Variants in MYT1L observed in about 807,000 individuals in gnomAD.
The protein encoded by MYT1L is myelin transcription factor 1 like, also known as myelin transcription factor 1-like protein.
In MYT1L, 12 loss-of-function variants were observed where a neutral mutation model predicts 126.7. The observed-to-expected ratio is 0.09, with a 90% CI of 0.06 to 0.15. The LOEUF (loss-of-function observed/expected upper bound fraction) is 0.15, where lower values mean the gene tolerates loss of function less well. MYT1L is among the 10% of genes least tolerant of loss of function. The probability of loss-of-function intolerance (pLI) is 1.00; values close to 1 mark genes in which losing one functional copy is unlikely to be tolerated. For synonymous variants in MYT1L, 541 were observed against 604.2 expected (o/e 0.90, Z 1.53); for missense variants, 979 against 1,585.2 (o/e 0.62, Z 6.49).
chr2:2,309,143 C>A (rs1418133915), intron 1 of MYT1L, among the ~76,000 whole-genome samples: 1 of 151,674 alleles, frequency 6.6e-6, no homozygotes, highest in Non-Finnish European at 1.5e-5. Context: ...TCTAACCATA[C>A]TCTGCCTACA....
intron 11 of MYT1L, among the ~76,000 whole-genome samples, chr2:1,915,362 C>T (rs1163805794): frequency 1.3e-5 from 2 of 152,146 alleles, no homozygotes; most frequent in African/African-American, 4.8e-5. Flanking sequence ...GCTGACTCTC[C>T]TTGCCTCCGA....
At chr2:1,930,917 C>T (rs1055120713) in intron 9 of MYT1L, among the ~76,000 whole-genome samples, 3 of 152,174 alleles carry the variant, frequency 2.0e-5, no homozygotes, top group African/African-American at 7.2e-5. Context: ...CAAAGAAAAG[C>T]AGAAATACTA....
chr2:1,922,325 A>G lies in MYT1L; in HGVS notation c.1444T>C (p.Ser482Pro), dbSNP rs774101946. 8.4e-5 allele frequency: 135 copies of G among 1,613,672 alleles called. No homozygotes were observed. Among genetic ancestry groups the G allele is most frequent in the Admixed American group, 1.3e-4 (8 of 59,992 alleles). ...QLPGEDRKPK[S>P]SDSHVKKPYY... ...GGCTTTTTGACATGGCTGTCACTGG[A>G]TTTAGGCTTTCTGTCCTCCCCGGGA... Residue 482 changes from serine (S) to proline (P), a missense_variant, in exon 10 of 25, where the codon TCC (serine) becomes CCC (proline). Physicochemically the swap from Ser to Pro is moderately conservative, Grantham distance 74 (BLOSUM62 -1). Around this residue, in one of 12 missense-constraint regions of MYT1L, gnomAD observed 67 missense variants for 80.3 expected, o/e 0.83. Coordinates refer to ENST00000647738, the MANE Select transcript of MYT1L (RefSeq NM_001303052.2). The surrounding 1 kb of genome is among the most constrained non-coding windows in gnomAD (Gnocchi z 7.4).
At chr2:1,956,691 G>T (rs750828030) in intron 8 of MYT1L, among the ~76,000 whole-genome samples, 5 of 151,192 alleles carry the variant, frequency 3.3e-5, no homozygotes, top group Admixed American at 6.6e-5. Context: ...ATGATTACCT[G>T]TCTATCTTCT....
chr2:1,974,228 C>A (rs2060012889), intron 8 of MYT1L, among the ~76,000 whole-genome samples: 1 of 152,076 alleles, frequency 6.6e-6, no homozygotes, highest in South Asian at 2.1e-4. Context: ...TGGCTGGACA[C>A]CAGGTTTGAG....
intron 3 of MYT1L, among the ~76,000 whole-genome samples, chr2:2,143,274 A>T (rs1346637031): frequency 1.4e-5 from 2 of 147,324 alleles, no homozygotes; most frequent in African/African-American, 5.0e-5. Context: ...TGGGCGACAG[A>T]GCGAGACTCC....
intron 9 of MYT1L, among the ~76,000 whole-genome samples, chr2:1,938,282 C>T (rs2056241030): frequency 6.6e-6 from 1 of 152,064 alleles, no homozygotes. Context: ...TATTATATAT[C>T]CATTTACTAT....
intron 10 of MYT1L, among the ~76,000 whole-genome samples, chr2:1,919,234 T>C (rs1170372861): frequency 6.6e-6 from 1 of 152,162 alleles, no homozygotes; most frequent in African/African-American, 2.4e-5. Flanking sequence ...ACGACAAGGG[T>C]ATAGTCTCCT....
At chr2:1,926,900 G>GATAA (rs2054301800) in intron 9 of MYT1L, among the ~76,000 whole-genome samples, 1 of 152,234 alleles carries the variant, frequency 6.6e-6, no homozygotes, top group Non-Finnish European at 1.5e-5. Flanking sequence ...ATGTATGTGT[G>GATAA]ATAAAAGAGC....
chr2:2,279,288 A>G (rs1163175205), intron 2 of MYT1L, among the ~76,000 whole-genome samples: 65 of 152,154 alleles, frequency 4.3e-4, no homozygotes, highest in South Asian at 2.1e-4. Flanking sequence ...TTTCAAGGCT[A>G]TGCCTGATTG....
chr2:2,106,758 T>G (rs758335687), intron 3 of MYT1L, among the ~76,000 whole-genome samples: 6 of 152,186 alleles, frequency 3.9e-5, no homozygotes, highest in African/African-American at 7.2e-5. Context: ...AAATGAAATT[T>G]GAAAAATGTA....
intron 23 of MYT1L, among the ~76,000 whole-genome samples, chr2:1,792,871 C>CAA (rs55682787): frequency 0.018 from 1,410 of 76,286 alleles, 54 homozygotes; most frequent in Middle Eastern, 0.032. Context: ...TTCCGTCTCA[C>CAA]AAAAAAAAAA....
At chr2:2,249,841 A>C (rs1000659888) in intron 2 of MYT1L, among the ~76,000 whole-genome samples, 3 of 152,174 alleles carry the variant, frequency 2.0e-5, no homozygotes, top group Admixed American at 1.3e-4. Flanking sequence ...AAAACTAATA[A>C]TTTGATTAAA....
chr2:1,919,830 G>A (rs1266869691), intron 10 of MYT1L, among the ~76,000 whole-genome samples: 2 of 152,116 alleles, frequency 1.3e-5, no homozygotes, highest in Admixed American at 6.6e-5. Flanking sequence ...CCAGGTTCAC[G>A]CCATTCTCCT....
In MYT1L at chr2:2,224,781, T is replaced by C. The variant is rs897679992; in HGVS notation, c.-420-51793A>G. On this transcript the variant is annotated intron_variant, in intron 2 of 24. Coordinates refer to ENST00000647738, the MANE Select transcript of MYT1L (RefSeq NM_001303052.2). This position sits in a 1 kb window ranked among gnomAD's most constrained non-coding sequence, Gnocchi z 4.0. The stretch of plus-strand genomic sequence containing the variant: ...TTGCAGGGAGCTGAGATTGAGCCAC[T>C]GCACTCCAGCCTGGGCAACAGAGCA... Among the ~76,000 whole-genome samples, 2 of 151,106 alleles carry C rather than the reference T, an allele frequency of 1.3e-5. No individual in the cohort carries two copies. Among genetic ancestry groups the C allele is most frequent in the Non-Finnish European group, 2.9e-5 (2 of 67,894 alleles).
rs188008494 is a variant in MYT1L at position 2,316,105 on chromosome 2, G to A, written c.-521+14862C>T. Among the ~76,000 whole-genome samples the A allele has an allele frequency of 4.6e-5, 7 of 152,218 alleles. No homozygotes were observed. In the East Asian group the frequency reaches 1.4e-3, roughly 29 times the overall value. On this transcript the variant is annotated intron_variant, in intron 1 of 24. Transcript: ENST00000647738. The stretch of plus-strand genomic sequence containing the variant: ...GACCTGGAAAGGCTCCTTTGACTCC[G>A]GTCAAGAGTCTGAGATTCAGGCGTG...
rs1343720389 is a variant in MYT1L at position 2,290,580 on chromosome 2, A to G, written c.-520-6077T>C. ...ATCACATGTGCCAGCCAAGTTTAAG[A>G]ACTACAGGTTAAAATGACAGCATTC... On this transcript the variant is annotated intron_variant, in intron 1 of 24. Transcript: ENST00000647738. 2.0e-5 allele frequency among the ~76,000 whole-genome samples: 3 copies of G among 152,230 alleles called. No individual in the cohort carries two copies. In the East Asian group the frequency reaches 5.8e-4, roughly 29 times the overall value.
At chr2:2,037,778 A>C (rs1172823255) in intron 4 of MYT1L, among the ~76,000 whole-genome samples, 1 of 149,642 alleles carries the variant, frequency 6.7e-6, no homozygotes, top group African/African-American at 2.5e-5. Flanking sequence ...AAAACAAAAC[A>C]AAACCCCCCC....
intron 2 of MYT1L, among the ~76,000 whole-genome samples, chr2:2,235,409 A>G (rs62116736): frequency 4.5e-4 from 19 of 41,914 alleles, no homozygotes; most frequent in East Asian, 1.4e-3. Flanking sequence ...GCTGGTTGGC[A>G]TCTTCCTCAC....
Sources: gnomAD v4.1 joint callset for allele counts (sites outside exome capture counted in the v4.1 genomes callset) on GRCh38, gnomAD v4.1.1 for gene constraint, gnomAD v4.1.1 regional missense constraint, Gnocchi (gnomAD v3.1) non-coding constraint, MANE v1.5 for transcripts, NCBI Gene and HGNC (gene_info 2026-07-23, HGNC 2026-07-21) for gene names.